Variants in ANXA5 observed in about 807,000 individuals in gnomAD.
The protein encoded by ANXA5 is CBP-I.
ANXA5 carries 40 observed loss-of-function variants against 48.1 expected under a neutral mutation model. That is an observed-to-expected ratio of 0.83 (90% CI 0.65 to 1.08). The LOEUF (loss-of-function observed/expected upper bound fraction) is 1.08, where lower values mean the gene tolerates loss of function less well. Among genes scored for constraint, ANXA5 ranks in the 50% least tolerant of loss-of-function variants. ANXA5 has a pLI of 0.00. For missense variants in ANXA5, 357 were observed against 376.8 expected (o/e 0.95, Z 0.44); for synonymous variants, 113 against 129.1 (o/e 0.88, Z 0.85).
chr4:121,696,432 G>A (rs1725083177), intron 2 of ANXA5, 149 bp downstream of exon 2: 1 of 735,638 alleles, frequency 1.4e-6, no homozygotes, highest in Non-Finnish European at 1.9e-6. Context: ...GGGAAGCAAA[G>A]GGGGAACAAG....
chr4:121,683,372 C>T lies in ANXA5; in HGVS notation c.295G>A (p.Ala99Thr). The part of the protein sequence containing the change: ...RLYDAYELKH[A>T]LKGAGTNEKV... ...TCACTCATCCTTTTTACCTTCAAGG[C>T]ATGTTTCAGTTCATAAGCATCATAA... Residue 99 changes from alanine (A) to threonine (T), a missense_variant, in exon 5 of 13, where the codon GCC becomes ACC. Physicochemically the swap from Ala to Thr is moderately conservative, Grantham distance 58 (BLOSUM62 0). Coordinates refer to ENST00000296511, the MANE Select transcript of ANXA5 (RefSeq NM_001154.4). 1 of 1,589,982 alleles carries T rather than the reference C, an allele frequency of 6.3e-7. No individual in the cohort carries two copies.
chr4:121,696,741 G>A, intron 1 of ANXA5, 117 bp from the exon 2 acceptor site: 1 of 548,162 alleles, frequency 1.8e-6, no homozygotes, highest in Non-Finnish European at 2.8e-6. Flanking sequence ...CCGCCACGGG[G>A]CCGACCCGCC....
At chr4:121,690,240 G>C (rs1724959172) in intron 2 of ANXA5, among the ~76,000 whole-genome samples, 1 of 152,208 alleles carries the variant, frequency 6.6e-6, no homozygotes, top group South Asian at 2.1e-4. Context: ...CAAGCAAGTA[G>C]CAGAGATGGG....
intron 6 of ANXA5, among the ~76,000 whole-genome samples, chr4:121,679,625 C>T (rs1196038224): frequency 6.6e-6 from 1 of 152,132 alleles, no homozygotes; most frequent in African/African-American, 2.4e-5. Flanking sequence ...AGGCCCTCTC[C>T]GTCCCTCAAT....
intron 8 of ANXA5, 32 bp from the exon 9 acceptor site, chr4:121,672,658 G>T (rs1444908866): frequency 2.0e-6 from 3 of 1,514,432 alleles, no homozygotes; most frequent in Middle Eastern, 1.7e-4. Flanking sequence ...TTAATAAATT[G>T]TTCCTCCATC....
intron 2 of ANXA5, among the ~76,000 whole-genome samples, chr4:121,693,974 C>A (rs34386777): frequency 0.44 from 66,460 of 151,734 alleles, 16,064 homozygotes; most frequent in East Asian, 0.73. Context: ...AATTTTAAAC[C>A]AACCGAAAAT....
Position 121,671,690 on chromosome 4 carries a change from C to T in ANXA5, c.626-48G>A, listed in dbSNP as rs1578439645. On this transcript the variant is annotated intron_variant, in intron 9 of 12. Transcript: ENST00000296511. The stretch of plus-strand genomic sequence containing the variant: ...CCTAATCATGTAGGGATCACTCTTT[C>T]CAGAAAGATGGTATTTACTTTGATT... 5 of 1,284,374 alleles carry T rather than the reference C, an allele frequency of 3.9e-6. No individual in the cohort carries two copies. In the Admixed American group the frequency reaches 8.6e-5, roughly 22 times the overall value. 79.6% of individuals were successfully genotyped at this position (1,284,374 alleles called of 1,614,324 possible).
rs567849029 is a variant in ANXA5 at position 121,677,885 on chromosome 4, G to A, written c.531+9C>T. The stretch of plus-strand genomic sequence containing the variant: ...CATAATAAAGTCATCATATCCTGGT[G>A]TCACTCACCTGAGCATCTTGTTCAA... On this transcript the variant is annotated intron_variant, in intron 8 of 12. Coordinates refer to ENST00000296511, the MANE Select transcript of ANXA5 (RefSeq NM_001154.4). 1 of 1,610,298 alleles carries A rather than the reference G, an allele frequency of 6.2e-7. No individual in the cohort carries two copies. The highest frequency in any genetic ancestry group is 1.7e-5 in the Admixed American group (1 of 59,978).
rs200562990 is a variant in ANXA5, at chr4:121,668,460, G to C, written c.*8C>G. The C allele has an allele frequency of 1.2e-6, 2 of 1,613,234 alleles. No homozygotes were observed. On this transcript the variant is annotated 3_prime_UTR_variant, in exon 13 of 13. Coordinates refer to ENST00000296511, the MANE Select transcript of ANXA5 (RefSeq NM_001154.4). ...GGCACACAGCAGGGAGCTCTTCCCCGTGACACGTTAGTCATCTTCTCCACA... is the reference window on the plus strand; with the variant it reads ...GGCACACAGCAGGGAGCTCTTCCCCCTGACACGTTAGTCATCTTCTCCACA...
chr4:121,679,993 T>A (rs1309162897), intron 6 of ANXA5, among the ~76,000 whole-genome samples: 1 of 152,180 alleles, frequency 6.6e-6, no homozygotes, highest in East Asian at 1.9e-4. Context: ...AACTTATTCA[T>A]CCTGCCTAAC....
At chr4:121,694,109 G>C (rs901425150) in intron 2 of ANXA5, among the ~76,000 whole-genome samples, 2 of 124,050 alleles carry the variant, frequency 1.6e-5, no homozygotes, top group South Asian at 5.2e-4. Flanking sequence ...GGGCGGGGGG[G>C]AGGGGGGAGG....
At chr4:121,676,126 C>G (rs1459986734) in intron 8 of ANXA5, among the ~76,000 whole-genome samples, 1 of 152,132 alleles carries the variant, frequency 6.6e-6, no homozygotes, top group African/African-American at 2.4e-5. Context: ...TATCTCCTAG[C>G]AAAGCCACAA....
chr4:121,673,188 C>T (rs568672398), intron 8 of ANXA5, among the ~76,000 whole-genome samples: 2 of 152,262 alleles, frequency 1.3e-5, no homozygotes, highest in African/African-American at 4.8e-5. Flanking sequence ...CAGTGCCTGG[C>T]ATATAGAAGC....
chr4:121,672,523 T>C lies in ANXA5; in HGVS notation c.625+10A>G. 2 of 1,610,200 alleles carry C rather than the reference T, an allele frequency of 1.2e-6. No homozygotes were observed. The highest frequency in any genetic ancestry group is 1.7e-6 in the Non-Finnish European group (2 of 1,176,812). Reference sequence around the variant, plus strand: ...AATGTATCTGCCCCATACAGATTTTTTTCACTCACCCTTTCTCAAATGAGA... The same window carrying C: ...AATGTATCTGCCCCATACAGATTTTCTTCACTCACCCTTTCTCAAATGAGA... On this transcript the variant is annotated intron_variant, in intron 9 of 12. Transcript: ENST00000296511.
chr4:121,691,548 AC>A (rs1269373020), intron 2 of ANXA5, among the ~76,000 whole-genome samples: 3 of 151,006 alleles, frequency 2.0e-5, no homozygotes, highest in African/African-American at 7.3e-5. Flanking sequence ...CCCTCCCCCC[AC>A]CTCCAGCATT....
chr4:121,668,729 A>G (rs1219642244), intron 12 of ANXA5, among the ~76,000 whole-genome samples: 4 of 152,122 alleles, frequency 2.6e-5, no homozygotes, highest in African/African-American at 9.7e-5. Flanking sequence ...TGGTAACACA[A>G]AGAATCAGGC....
rs1463461909 is a variant in ANXA5, at chr4:121,668,452, T to C, written c.*16A>G. On this transcript the variant is annotated 3_prime_UTR_variant, in exon 13 of 13. Coordinates refer to ENST00000296511, the MANE Select transcript of ANXA5 (RefSeq NM_001154.4). ...GTGGTGCAGGCACACAGCAGGGAGC[T>C]CTTCCCCGTGACACGTTAGTCATCT... The C allele has an allele frequency of 6.2e-7, 1 of 1,612,954 alleles. No individual in the cohort carries two copies. The highest frequency in any genetic ancestry group is 8.5e-7 in the Non-Finnish European group (1 of 1,179,202).
chr4:121,681,404 C>G (rs1724791049), intron 6 of ANXA5: 1 of 313,412 alleles, frequency 3.2e-6, no homozygotes, highest in Admixed American at 4.7e-5. Flanking sequence ...CCTGTATATC[C>G]CTACACTAAT....
intron 2 of ANXA5, among the ~76,000 whole-genome samples, chr4:121,694,953 A>C (rs1405440214): frequency 6.6e-6 from 1 of 152,236 alleles, no homozygotes; most frequent in African/African-American, 2.4e-5. Context: ...TATTAAAATT[A>C]ATGTCCACAA....
Sources: allele counts gnomAD v4.1 joint callset (sites outside exome capture counted in the v4.1 genomes callset), GRCh38; gene constraint gnomAD v4.1.1; transcripts MANE v1.5; gene names NCBI Gene and HGNC (gene_info 2026-07-23, HGNC 2026-07-21).